Variants in CARMIL2 observed in about 807,000 individuals in gnomAD.
CARMIL2 encodes the protein capping protein, Arp2/3 and myosin-I linker protein 2.
Under a neutral mutation model 173.3 loss-of-function variants are expected in CARMIL2, and 96 were observed. The ratio of observed to expected loss-of-function variants is 0.55; its 90% CI spans 0.47 to 0.66. The LOEUF is 0.66. CARMIL2 is among the 30% of genes least tolerant of loss of function. The pLI, the probability that CARMIL2 is intolerant of heterozygous loss-of-function variation, is 0.00. For synonymous variants in CARMIL2, 830 were observed against 817.1 expected, an observed-to-expected ratio of 1.02 and a Z score of -0.27; for missense variants, 1,771 against 1,906.7, an observed-to-expected ratio of 0.93 and a Z score of 1.33.
rs1303311505 is a variant in CARMIL2, at chr16:67,645,285, A to G, written c.39A>G (p.Arg13=). 1.2e-6 allele frequency: 2 copies of G among 1,604,124 alleles called. No homozygotes were observed. The highest frequency in any genetic ancestry group is 1.7e-6 in the Non-Finnish European group (2 of 1,176,016). ...CCGACGGCATCTCCTGTGAGCTCCG[A>G]GGTAAGCGCTGGCCCTTCCTGCCTT... The part of the protein sequence containing the change: ...QTPDGISCEL[R]GEITRFLWPK... The change falls in exon 1 of 38, where the codon CGA becomes CGG. Residue 13 remains arginine (R), a splice_region_variant and synonymous_variant. Transcript: ENST00000334583.
In CARMIL2 at chr16:67,650,116, A is replaced by T; in HGVS notation, c.2150A>T (p.Gln717Leu). 6.2e-7 allele frequency: 1 copy of T among 1,613,296 alleles called. No homozygotes were observed. ...PASSDHTTRLQPLGLVSDPSE... is the reference protein window; with the variant it reads ...PASSDHTTRLLPLGLVSDPSE... ...TCTTCTGACCACACGACCCGCCTTC[A>T]GCCACTTGGTCTGGTCTCAGACCCC... The change falls in exon 22 of 38, where the codon CAG (glutamine) becomes CTG (leucine). Residue 717 changes from glutamine to leucine, a missense_variant. Physicochemically the swap from Gln to Leu is moderately radical, Grantham distance 113. Transcript: ENST00000334583.
Position 67,648,570 on chromosome 16 carries a change from G to T in CARMIL2, c.1439+68G>T. On this transcript the variant is annotated intron_variant, in intron 15 of 37. Transcript: ENST00000334583. The surrounding 1 kb of genome is among the most constrained non-coding windows in gnomAD (Gnocchi z 6.1). Reference sequence around the variant, plus strand: ...CCTGCCCTGGCCTTCGCCCCTCCCCGCTCCTGCTTCTGTCGCTCCCACAAC... The same window carrying T: ...CCTGCCCTGGCCTTCGCCCCTCCCCTCTCCTGCTTCTGTCGCTCCCACAAC... 8.5e-7 allele frequency: 1 copy of T among 1,170,168 alleles called. No homozygotes were observed. The highest frequency in any genetic ancestry group is 1.6e-5 in the African/African-American group (1 of 61,706). The allele number at this position is 1,170,168 out of a possible 1,614,324, so 72.5% of individuals were successfully genotyped here.
rs1567630393 is a variant in CARMIL2 at position 67,649,264 on chromosome 16, G to A, written c.1699G>A (p.Asp567Asn). 2 of 1,613,382 alleles carry A rather than the reference G, an allele frequency of 1.2e-6. No individual in the cohort carries two copies. The highest frequency in any genetic ancestry group is 1.7e-6 in the Non-Finnish European group (2 of 1,179,714). Residue 567 changes from aspartate to asparagine, a missense_variant, in exon 19 of 38, where the codon GAC becomes AAC. By Grantham distance (23) the Asp-to-Asn change is conservative. Coordinates refer to ENST00000334583, the MANE Select transcript of CARMIL2 (RefSeq NM_001013838.3). The surrounding 1 kb of genome is among the most constrained non-coding windows in gnomAD (Gnocchi z 6.7). ...GGCCCCTGCCCACAGGGAGACCCTGGACGACGTCCTGCACCGGATTGTCCA... is the reference window on the plus strand; with the variant it reads ...GGCCCCTGCCCACAGGGAGACCCTGAACGACGTCCTGCACCGGATTGTCCA... ...NFNVRCKETL[D>N]DVLHRIVQLM...
intron 3 of CARMIL2, 84 bp downstream of exon 3, chr16:67,645,861 C>T: frequency 1.3e-6 from 2 of 1,571,054 alleles, no homozygotes; most frequent in Non-Finnish European, 8.7e-7. Flanking sequence ...TCCTTCTTGG[C>T]CTTGTGGGCC....
Position 67,654,504 on chromosome 16 carries a change from T to C in CARMIL2, c.3394T>C (p.Phe1132Leu), listed in dbSNP as rs2052796744. 1.2e-6 allele frequency: 2 copies of C among 1,612,462 alleles called. No homozygotes were observed. Among genetic ancestry groups the C allele is most frequent in the African/African-American group, 2.7e-5 (2 of 74,896 alleles). Residue 1132 changes from phenylalanine (F) to leucine (L), a missense_variant, in exon 31 of 38, where the codon TTT becomes CTT. By Grantham distance (22) the Phe-to-Leu change is conservative. This residue lies in a region of CARMIL2 where 817 missense variants were observed against 903.5 expected (regional missense o/e 0.90). Transcript: ENST00000334583. ...AGCTCCCCGAACCCGAAAAACTACA[T>C]TTGGCGACCTACTGCGGCCGCCAAC... ...GAAPRTRKTT[F>L]GDLLRPPTRP...
Position 67,657,288 on chromosome 16 carries a change from A to ACTC in CARMIL2, c.4168_4170dup (p.Leu1390dup), listed in dbSNP as rs1213050471. The ACTC allele has an allele frequency of 6.2e-7, 1 of 1,613,398 alleles. No individual in the cohort carries two copies. The highest frequency in any genetic ancestry group is 8.5e-7 in the Non-Finnish European group (1 of 1,179,730). On this transcript the variant is annotated inframe_insertion, in exon 37 of 38. Coordinates refer to ENST00000334583, the MANE Select transcript of CARMIL2 (RefSeq NM_001013838.3). The surrounding 1 kb of genome is among the most constrained non-coding windows in gnomAD (Gnocchi z 4.5). ...CCCCCGTCCTCAAACGCAGGCCAAA[A>ACTC]CTCGAGGCACCTCCATCCCCAAGCC...
At position 67,649,571 on chromosome 16, in the gene CARMIL2, C is replaced by T. The variant is rs1235271119; in HGVS notation, c.1871C>T (p.Ala624Val). 2 of 1,595,638 alleles carry T rather than the reference C, an allele frequency of 1.3e-6. No individual in the cohort carries two copies. Among genetic ancestry groups the T allele is most frequent in the Non-Finnish European group, 1.7e-6 (2 of 1,176,136 alleles). ...LDISGNAMGDAGAKLLAKALR... is the reference protein window; with the variant it reads ...LDISGNAMGDVGAKLLAKALR... ...ATCAGCGGCAACGCCATGGGGGACG[C>T]GGGCGCCAAGTTGCTGGCCAAGGCG... Residue 624 changes from alanine (A) to valine (V), a missense_variant, in exon 20 of 38, where the codon GCG becomes GTG. This residue lies in a region of CARMIL2 where 944 missense variants were observed against 975.6 expected (regional missense o/e 0.97). Coordinates refer to ENST00000334583, the MANE Select transcript of CARMIL2 (RefSeq NM_001013838.3). The surrounding 1 kb of genome is among the most constrained non-coding windows in gnomAD (Gnocchi z 6.7).
rs2052778140 is a variant in CARMIL2, at chr16:67,653,905, A to C, written c.3121-244A>C. Among the ~76,000 whole-genome samples, 1 of 151,878 alleles carries C rather than the reference A, an allele frequency of 6.6e-6. No individual in the cohort carries two copies. Among genetic ancestry groups the C allele is most frequent in the South Asian group, 2.1e-4 (1 of 4,814 alleles). On this transcript the variant is annotated intron_variant, in intron 29 of 37. Transcript: ENST00000334583. The surrounding 1 kb of genome is among the most constrained non-coding windows in gnomAD (Gnocchi z 7.4). ...TGACCGGGTGGCTCGGGCGTGTAGG[A>C]TACTCTGTGGGACAAGGACGGGTGT... is the stretch of plus-strand genomic sequence containing the variant.
In CARMIL2 at chr16:67,649,975, G is replaced by A. The variant is rs368964680; in HGVS notation, c.2082+7G>A. Reference sequence around the variant, plus strand: ...AGCACGTGCAGTCCATCAGGTGGGCGTCCCCCTCTTCCCTTGCCCTTCTCT... The same window carrying A: ...AGCACGTGCAGTCCATCAGGTGGGCATCCCCCTCTTCCCTTGCCCTTCTCT... On this transcript the variant is annotated splice_region_variant and intron_variant, in intron 21 of 37. Coordinates refer to ENST00000334583, the MANE Select transcript of CARMIL2 (RefSeq NM_001013838.3). This position sits in a 1 kb window ranked among gnomAD's most constrained non-coding sequence, Gnocchi z 6.7. 20 of 1,613,158 alleles carry A rather than the reference G, an allele frequency of 1.2e-5. No individual in the cohort carries two copies. The highest frequency in any genetic ancestry group is 2.2e-5 in the East Asian group (1 of 44,886).
In CARMIL2 at chr16:67,649,113, C is replaced by T. The variant is rs749749156; in HGVS notation, c.1629C>T (p.Ile543=). The change falls in exon 18 of 38, where the codon ATC becomes ATT. Residue 543 remains isoleucine (I), a synonymous_variant. Transcript: ENST00000334583. The surrounding 1 kb of genome is among the most constrained non-coding windows in gnomAD (Gnocchi z 6.7). ...GSDMVTLVLA[I]GRSRSLRHVA... Reference sequence around the variant, plus strand: ...ACATGGTGACTCTGGTGCTGGCCATCGGGAGAAGCCGGTCCCTGAGACATG... The same window carrying T: ...ACATGGTGACTCTGGTGCTGGCCATTGGGAGAAGCCGGTCCCTGAGACATG... The T allele has an allele frequency of 4.3e-6, 7 of 1,613,046 alleles. No individual in the cohort carries two copies. The Admixed American group carries it at 8.3e-5, about 19-fold the overall frequency.
At position 67,646,660 on chromosome 16, in the gene CARMIL2, C is replaced by T. The variant is rs769762577; in HGVS notation, c.467-54C>T. On this transcript the variant is annotated intron_variant, in intron 6 of 37. Transcript: ENST00000334583. This position sits in a 1 kb window ranked among gnomAD's most constrained non-coding sequence, Gnocchi z 4.6. ...GTCTGTGGGTCTGGTCTTCCTCCAT[C>T]GCTGATGTTTTGTCTCTCTCCTTTT... The T allele has an allele frequency of 4.0e-5, 63 of 1,594,650 alleles. No individual in the cohort carries two copies. The highest frequency in any genetic ancestry group is 4.6e-5 in the Non-Finnish European group (53 of 1,162,646).
chr16:67,652,153 C>T lies in CARMIL2; in HGVS notation c.2677-46C>T, dbSNP rs1567633210. 1.9e-6 allele frequency: 3 copies of T among 1,604,844 alleles called. No homozygotes were observed. The highest frequency in any genetic ancestry group is 8.5e-7 in the Non-Finnish European group (1 of 1,176,132). ...TCCCCTTAGTTAGCATCAATGGGAT[C>T]ATGGCTGAGGCCCTACCTGCCATCT... On this transcript the variant is annotated intron_variant, in intron 26 of 37. Transcript: ENST00000334583. This position sits in a 1 kb window ranked among gnomAD's most constrained non-coding sequence, Gnocchi z 4.7.
At chr16:67,656,757 G>T (rs534018975) in intron 35 of CARMIL2, 44 bp from the exon 36 acceptor site, 3 of 1,549,142 alleles carry the variant, frequency 1.9e-6, no homozygotes, top group Admixed American at 3.9e-5. Context: ...GGGCTGGAGT[G>T]GGGGCAGCTG....
At chr16:67,654,088 G>GGC in intron 29 of CARMIL2, 61 bp from the exon 30 acceptor site, 5 of 1,110,152 alleles carry the variant, frequency 4.5e-6, no homozygotes, top group African/African-American at 1.7e-5. Context: ...GCCGGGGGGG[G>GGC]GGGGGGGTAG....
Position 67,652,030 on chromosome 16 carries a change from A to G in CARMIL2, c.2676+22A>G, listed in dbSNP as rs1345644267. 6 of 1,612,166 alleles carry G rather than the reference A, an allele frequency of 3.7e-6. No homozygotes were observed. Among genetic ancestry groups the G allele is most frequent in the African/African-American group, 1.3e-5 (1 of 74,870 alleles). ...GCTGGTGAGGGGGAGATGTGCACAC[A>G]CTTTCGTGCAAACACACACATGCAG... is the stretch of plus-strand genomic sequence containing the variant. On this transcript the variant is annotated intron_variant, in intron 26 of 37. Transcript: ENST00000334583. This position sits in a 1 kb window ranked among gnomAD's most constrained non-coding sequence, Gnocchi z 4.7.
intron 36 of CARMIL2, 89 bp downstream of exon 36, chr16:67,656,970 AG>A: frequency 9.1e-7 from 1 of 1,094,414 alleles, no homozygotes; most frequent in Non-Finnish European, 1.3e-6. Flanking sequence ...TGGTCCTTGG[AG>A]GGAGCCACCA....
Position 67,646,855 on chromosome 16 carries a change from C to A in CARMIL2, c.538-45C>A. The A allele has an allele frequency of 6.2e-7, 1 of 1,612,910 alleles. No individual in the cohort carries two copies. The highest frequency in any genetic ancestry group is 8.5e-7 in the Non-Finnish European group (1 of 1,179,018). ...CCATGTGTGCTGAGCCCCTCCCTGCCCCTTGTGGCCCCAGGCGAACTGTAA... is the reference window on the plus strand; with the variant it reads ...CCATGTGTGCTGAGCCCCTCCCTGCACCTTGTGGCCCCAGGCGAACTGTAA... On this transcript the variant is annotated intron_variant, in intron 7 of 37. Transcript: ENST00000334583. This position sits in a 1 kb window ranked among gnomAD's most constrained non-coding sequence, Gnocchi z 4.6.
rs368608682 is a variant in CARMIL2, at chr16:67,649,860, G to A, written c.1974G>A (p.Ala658=). The change falls in exon 21 of 38, where the codon GCG becomes GCA. Residue 658 remains alanine, a synonymous_variant. Coordinates refer to ENST00000334583, the MANE Select transcript of CARMIL2 (RefSeq NM_001013838.3). The surrounding 1 kb of genome is among the most constrained non-coding windows in gnomAD (Gnocchi z 6.7). Reference sequence around the variant, plus strand: ...CTGCTTTGGGTCTGCTGGACGTGGCGCAGGCGCTGGAGCAGAACCACAGCC... The same window carrying A: ...CTGCTTTGGGTCTGCTGGACGTGGCACAGGCGCTGGAGCAGAACCACAGCC... The part of the protein sequence containing the change: ...HTSALGLLDV[A]QALEQNHSLK... 58 of 1,612,832 alleles carry A rather than the reference G, an allele frequency of 3.6e-5. No homozygotes were observed. The highest frequency in any genetic ancestry group is 2.3e-4 in the African/African-American group (17 of 75,030).
In CARMIL2 at chr16:67,649,572, G is replaced by A. The variant is rs779934172; in HGVS notation, c.1872G>A (p.Ala624=). 1.9e-6 allele frequency: 3 copies of A among 1,601,544 alleles called. No individual in the cohort carries two copies. The highest frequency in any genetic ancestry group is 4.5e-5 in the East Asian group (2 of 44,872). ...LDISGNAMGD[A]GAKLLAKALR... ...TCAGCGGCAACGCCATGGGGGACGC[G>A]GGCGCCAAGTTGCTGGCCAAGGCGC... The change falls in exon 20 of 38, where the codon GCG becomes GCA. Residue 624 remains alanine, a synonymous_variant. Coordinates refer to ENST00000334583, the MANE Select transcript of CARMIL2 (RefSeq NM_001013838.3). This position sits in a 1 kb window ranked among gnomAD's most constrained non-coding sequence, Gnocchi z 6.7.
Sources: gnomAD v4.1 joint callset for allele counts (sites outside exome capture counted in the v4.1 genomes callset) on GRCh38, gnomAD v4.1.1 for gene constraint, gnomAD v4.1.1 regional missense constraint, Gnocchi (gnomAD v3.1) non-coding constraint, MANE v1.5 for transcripts, NCBI Gene and HGNC (gene_info 2026-07-23, HGNC 2026-07-21) for gene names.